Variants in GNG12 observed in about 807,000 individuals in gnomAD.
GNG12 encodes G protein subunit gamma 12.
For missense variants in GNG12, 69 were observed against 83.8 expected, an observed-to-expected ratio of 0.82 and a Z score of 0.69; for synonymous variants, 28 against 29.7, an observed-to-expected ratio of 0.94 and a Z score of 0.19.
chr1:67,735,297 T>C (rs899637372), intron 2 of GNG12, among the ~76,000 whole-genome samples: 1 of 152,248 alleles, frequency 6.6e-6, no homozygotes, highest in African/African-American at 2.4e-5. Flanking sequence ...GATACATTTA[T>C]GATCTGGCAA....
intron 1 of GNG12, among the ~76,000 whole-genome samples, chr1:67,808,581 T>C (rs1021621544): frequency 3.9e-5 from 6 of 152,072 alleles, no homozygotes; most frequent in African/African-American, 1.2e-4. Context: ...TTCCTGGAAC[T>C]AGTGAGAAAT....
intron 2 of GNG12, among the ~76,000 whole-genome samples, chr1:67,746,503 T>C (rs959702957): frequency 2.0e-5 from 3 of 152,104 alleles, no homozygotes; most frequent in Non-Finnish European, 2.9e-5. Context: ...TGGCTTGTGC[T>C]GAGGAAGGCA....
intron 2 of GNG12, among the ~76,000 whole-genome samples, chr1:67,730,918 T>C (rs1325521946): frequency 6.6e-6 from 1 of 152,186 alleles, no homozygotes; most frequent in African/African-American, 2.4e-5. Context: ...CAGATATTCC[T>C]ATGAAATGTT....
chr1:67,733,879 C>T (rs936713480), intron 2 of GNG12, among the ~76,000 whole-genome samples: 5 of 152,164 alleles, frequency 3.3e-5, no homozygotes, highest in East Asian at 1.9e-4. Flanking sequence ...CCTGCAGAAT[C>T]GTAAGGCCCC....
At chr1:67,772,515 TCTTTC>T (rs1231475038) in intron 2 of GNG12, 2 of 152,216 alleles carry the variant, frequency 1.3e-5, no homozygotes, top group Non-Finnish European at 2.9e-5. Flanking sequence ...GCATTCTCAT[TCTTTC>T]CTTCCCTCCT....
At chr1:67,736,693 G>A (rs1646454348) in intron 2 of GNG12, among the ~76,000 whole-genome samples, 1 of 152,228 alleles carries the variant, frequency 6.6e-6, no homozygotes, top group African/African-American at 2.4e-5. Context: ...GGGACAGACA[G>A]TTCCTTGGTA....
intron 2 of GNG12, among the ~76,000 whole-genome samples, chr1:67,734,810 G>T (rs1646442691): frequency 6.6e-6 from 1 of 152,042 alleles, no homozygotes; most frequent in African/African-American, 2.4e-5. Flanking sequence ...TCTTAGACTA[G>T]TATGGTGTTT....
intron 2 of GNG12, among the ~76,000 whole-genome samples, chr1:67,759,101 A>G (rs1646587284): frequency 6.6e-6 from 1 of 152,252 alleles, no homozygotes; most frequent in African/African-American, 2.4e-5. Flanking sequence ...TGATTTGATC[A>G]TTATACATTG....
At chr1:67,791,017 C>T (rs1049251115) in intron 1 of GNG12, among the ~76,000 whole-genome samples, 3 of 152,162 alleles carry the variant, frequency 2.0e-5, no homozygotes, top group African/African-American at 7.2e-5. Flanking sequence ...TCTGGATGTA[C>T]TTATTTATAT....
chr1:67,822,944 A>G (rs1646992461), intron 1 of GNG12, among the ~76,000 whole-genome samples: 2 of 152,212 alleles, frequency 1.3e-5, no homozygotes, highest in African/African-American at 4.8e-5. Context: ...CACTTCAAAA[A>G]GAAAGATGAT....
chr1:67,778,627 G>A (rs1455231488), intron 1 of GNG12, among the ~76,000 whole-genome samples: 1 of 151,992 alleles, frequency 6.6e-6, no homozygotes, highest in Non-Finnish European at 1.5e-5. Context: ...ATAACTTTAC[G>A]AGGTAAATAT....
intron 2 of GNG12, among the ~76,000 whole-genome samples, chr1:67,733,183 A>G (rs1570496119): frequency 6.6e-6 from 1 of 152,180 alleles, no homozygotes; most frequent in East Asian, 1.9e-4. Context: ...TTAGGCAACA[A>G]CATGTATCAC....
intron 2 of GNG12, among the ~76,000 whole-genome samples, chr1:67,763,120 A>AGAGAG (rs1553157312): frequency 1.3e-5 from 2 of 151,150 alleles, no homozygotes; most frequent in African/African-American, 2.4e-5. Context: ...AGAGAGAGAG[A>AGAGAG]ATCAATATGA....
chr1:67,754,777 A>G (rs1001499039), intron 2 of GNG12, among the ~76,000 whole-genome samples: 1 of 151,870 alleles, frequency 6.6e-6, no homozygotes, highest in Non-Finnish European at 1.5e-5. Flanking sequence ...ATTAGAGGCC[A>G]CTCCGTGAGG....
chr1:67,754,499 C>T (rs1285080206), intron 2 of GNG12, among the ~76,000 whole-genome samples: 1 of 152,144 alleles, frequency 6.6e-6, no homozygotes, highest in Non-Finnish European at 1.5e-5. Flanking sequence ...TACCCCACTG[C>T]CCCACCCTAG....
At chr1:67,739,601 A>G (rs192546190) in intron 2 of GNG12, among the ~76,000 whole-genome samples, 2 of 152,364 alleles carry the variant, frequency 1.3e-5, no homozygotes, top group Admixed American at 6.5e-5. Flanking sequence ...CATGAGCTAC[A>G]TCTTCAAAGG....
intron 2 of GNG12, among the ~76,000 whole-genome samples, chr1:67,716,136 A>G (rs1646324167): frequency 6.6e-6 from 1 of 152,186 alleles, no homozygotes; most frequent in Non-Finnish European, 1.5e-5. Context: ...GAGGTGGGAA[A>G]TGTGGTTTCG....
rs918097507 is a variant in GNG12 at position 67,704,361 on chromosome 1, T to C, written c.*1090A>G. On this transcript the variant is annotated 3_prime_UTR_variant, in exon 4 of 4. Coordinates refer to ENST00000370982, the MANE Select transcript of GNG12 (RefSeq NM_018841.6). ...TTTTCCTCACCGTATTCCACATACC[T>C]GTGGCTGGGGAAGGTAATGTTACCT... is the stretch of plus-strand genomic sequence containing the variant. 6.6e-6 allele frequency: 1 copy of C among 152,130 alleles called. No homozygotes were observed. The highest frequency in any genetic ancestry group is 2.4e-5 in the African/African-American group (1 of 41,412). 9.4% of individuals were successfully genotyped at this position (152,130 alleles called of 1,614,324 possible). A position where few individuals can be genotyped will look rare whatever the true frequency, so the allele number is the denominator to read the frequency against.
chr1:67,729,112 C>G (rs908472679), intron 2 of GNG12, among the ~76,000 whole-genome samples: 1 of 152,234 alleles, frequency 6.6e-6, no homozygotes, highest in African/African-American at 2.4e-5. Context: ...CTGACAGGTG[C>G]TGCCCCATGT....
Sources: allele counts gnomAD v4.1 joint callset (sites outside exome capture counted in the v4.1 genomes callset), GRCh38; gene constraint gnomAD v4.1.1; transcripts MANE v1.5; gene names NCBI Gene and HGNC (gene_info 2026-07-23, HGNC 2026-07-21).